The following APOL3 variants were observed in gnomAD, a reference collection of about 807,000 sequenced individuals.
APOL3 encodes apolipoprotein L3.
In APOL3, 14 loss-of-function variants were observed where a neutral mutation model predicts 11.6. The observed-to-expected ratio is 1.21, with a 90% CI of 0.80 to 1.89. The LOEUF is 1.89. APOL3 is among the 40% of genes most tolerant of loss of function. The probability of loss-of-function intolerance (pLI) is 0.00; values close to 1 mark genes in which losing one functional copy is unlikely to be tolerated. For missense variants in APOL3, 483 were observed against 492.1 expected, an observed-to-expected ratio of 0.98 and a Z score of 0.17; for synonymous variants, 192 against 190.6, an observed-to-expected ratio of 1.01 and a Z score of -0.06.
intron 2 of APOL3, among the ~76,000 whole-genome samples, chr22:36,142,769 G>C (rs1258700959): frequency 6.6e-6 from 1 of 152,194 alleles, no homozygotes; most frequent in African/African-American, 2.4e-5. Context: ...GGTTGAGAAA[G>C]ACTTTCTCCT....
At chr22:36,162,044 G>T (rs988142868), upstream of APOL3, among the ~76,000 whole-genome samples, 1 of 152,144 alleles carries the variant, frequency 6.6e-6, no homozygotes, top group Non-Finnish European at 1.5e-5. Flanking sequence ...CCCACATCCC[G>T]CATTCATGAT....
upstream of APOL3, chr22:36,161,597 C>T (rs2013698348): frequency 6.5e-6 from 1 of 153,510 alleles, no homozygotes; most frequent in African/African-American, 2.4e-5. Flanking sequence ...ATTTCCTCCC[C>T]TGAGAAGCCC....
At chr22:36,157,217 C>T (rs892433314) in intron 1 of APOL3, among the ~76,000 whole-genome samples, 3 of 152,224 alleles carry the variant, frequency 2.0e-5, no homozygotes, top group East Asian at 1.9e-4. Context: ...CCCTCCCCCA[C>T]GGCAATGGCC....
intron 1 of APOL3, among the ~76,000 whole-genome samples, chr22:36,155,228 C>T (rs1023072875): frequency 1.3e-5 from 2 of 152,180 alleles, no homozygotes; most frequent in Non-Finnish European, 2.9e-5. Context: ...AGGCCCCTAT[C>T]TCTTTCTTCT....
chr22:36,157,203 C>A (rs780022366), intron 1 of APOL3, among the ~76,000 whole-genome samples: 1 of 152,190 alleles, frequency 6.6e-6, no homozygotes, highest in Non-Finnish European at 1.5e-5. Flanking sequence ...GGTTTCCAAG[C>A]CTCCCCTCCC....
chr22:36,141,310 C>A, exon 3 of APOL3: 1 of 1,614,134 alleles, frequency 6.2e-7, no homozygotes, highest in Non-Finnish European at 8.5e-7. Context: ...GCAGACTTTG[C>A]CCCCTCATGC....
At position 36,141,750 on chromosome 22, in the gene APOL3, G is replaced by A. The variant is rs116147257; in HGVS notation, c.659C>T (p.Thr220Ile). The A allele has an allele frequency of 2.4e-3, 3,859 of 1,614,122 alleles. 84 individuals carry two copies. The African/African-American group carries it at 0.045, about 19-fold the overall frequency. Residue 220 changes from threonine (T) to isoleucine (I), a missense_variant, in exon 3 of 3, where the codon ACT becomes ATT. Thr to Ile is a moderately conservative substitution (Grantham distance 89). Coordinates refer to ENST00000349314, the Ensembl canonical transcript of APOL3. ...TGCTCCCAGCCCTACCCCAGCTGCA[G>A]TAAGGGCCAGACTCGTCCCTGCTGT... is the stretch of plus-strand genomic sequence containing the variant.
At chr22:36,141,684 T>C in exon 3 of APOL3, 1 of 1,614,054 alleles carries the variant, frequency 6.2e-7, no homozygotes, top group Non-Finnish European at 8.5e-7. Context: ...TGTGTATGAG[T>C]GCTCCACGAT....
intron 1 of APOL3, chr22:36,154,595 T>C (rs1477453485): frequency 2.1e-6 from 1 of 470,812 alleles, no homozygotes; most frequent in African/African-American, 2.0e-5. Context: ...ATTTGGAAGC[T>C]GGCGTGGACT....
chr22:36,141,583 T>G (rs1383376710), exon 3 of APOL3: 1 of 1,614,088 alleles, frequency 6.2e-7, no homozygotes, highest in African/African-American at 1.3e-5. Flanking sequence ...GAAAGTAAGT[T>G]GGGTGTGATG....
intron 1 of APOL3, among the ~76,000 whole-genome samples, chr22:36,159,895 GAC>G (rs2146903357): frequency 6.7e-6 from 1 of 149,592 alleles, no homozygotes; most frequent in South Asian, 2.1e-4. Flanking sequence ...TTTTTTTTGA[GAC>G]AGAGTCTCAC....
chr22:36,162,013 G>A (rs80220441), upstream of APOL3, among the ~76,000 whole-genome samples: 18,559 of 152,146 alleles, frequency 0.12, 1,312 homozygotes, highest in Non-Finnish European at 0.15. Flanking sequence ...ACCTTCTGGC[G>A]GCGGGTGCAG....
At chr22:36,154,779 T>C (rs915782297) in intron 1 of APOL3, among the ~76,000 whole-genome samples, 7 of 151,950 alleles carry the variant, frequency 4.6e-5, no homozygotes, top group Non-Finnish European at 7.4e-5. Context: ...TACCAAACAC[T>C]CCCTCTCCTG....
rs532880561 is a variant in APOL3, at chr22:36,158,836, G to A, written c.223+1833C>T. Among the ~76,000 whole-genome samples, 11 of 152,088 alleles carry A rather than the reference G, an allele frequency of 7.2e-5. No individual in the cohort carries two copies. The South Asian group carries it at 1.7e-3, about 23-fold the overall frequency. ...CGTCAGAAAAAAAAGACTAATGAAT[G>A]CGATGCCTCCCTTAAAGAAATGAGG... On this transcript the variant is annotated intron_variant, in intron 1 of 2. Transcript: ENST00000349314.
intron 1 of APOL3, among the ~76,000 whole-genome samples, chr22:36,150,131 A>C (rs2060379354): frequency 6.6e-6 from 1 of 152,170 alleles, no homozygotes; most frequent in South Asian, 2.1e-4. Context: ...GCTGATCTTT[A>C]TACAGAGAAA....
intron 1 of APOL3, among the ~76,000 whole-genome samples, chr22:36,152,103 T>C (rs1445198084): frequency 6.6e-6 from 1 of 151,980 alleles, no homozygotes; most frequent in African/African-American, 2.4e-5. Flanking sequence ...GGATCACAGC[T>C]GGGCATGCAG....
chr22:36,145,593 T>A, exon 2 of APOL3: 2 of 1,613,574 alleles, frequency 1.2e-6, no homozygotes, highest in Non-Finnish European at 1.7e-6. Flanking sequence ...AGTAAAGCGT[T>A]TCTTTTCTAC....
At chr22:36,165,988 A>G (rs1266915744) in exon 1 of APOL3, 1 of 152,210 alleles carries the variant, frequency 6.6e-6, no homozygotes, top group Non-Finnish European at 1.5e-5. Context: ...ATGCCATCCT[A>G]ATGGATGGAG....
At chr22:36,164,334 A>G (rs2013805603), upstream of APOL3, among the ~76,000 whole-genome samples, 1 of 152,130 alleles carries the variant, frequency 6.6e-6, no homozygotes, top group Non-Finnish European at 1.5e-5. Context: ...TAAGCTGTCA[A>G]TCCTAGGGTC....
Sources: allele counts gnomAD v4.1 joint callset (sites outside exome capture counted in the v4.1 genomes callset), GRCh38; gene constraint gnomAD v4.1.1; transcripts MANE v1.5; gene names NCBI Gene and HGNC (gene_info 2026-07-23, HGNC 2026-07-21).